Variants in RORA observed in about 807,000 individuals in gnomAD.
RORA encodes the protein RAR related orphan receptor A, also known as nuclear receptor ROR-alpha.
In RORA, 7 loss-of-function variants were observed where a neutral mutation model predicts 69.5. That is an observed-to-expected ratio of 0.10 (90% CI 0.06 to 0.19). The LOEUF is 0.19. Among genes scored for constraint, RORA ranks in the 10% least tolerant of loss-of-function variants. RORA has a pLI of 1.00. For missense variants in RORA, 457 were observed against 663.0 expected, an observed-to-expected ratio of 0.69 and a Z score of 3.41; for synonymous variants, 261 against 240.8, an observed-to-expected ratio of 1.08 and a Z score of -0.78.
chr15:60,694,493 T>A (rs2070873973), intron 1 of RORA, among the ~76,000 whole-genome samples: 1 of 152,168 alleles, frequency 6.6e-6, no homozygotes, highest in East Asian at 1.9e-4. Context: ...TTCGTACAGT[T>A]TGGATTTGAC....
At chr15:60,592,445 A>G in intron 2 of RORA, 1 of 1,414,900 alleles carries the variant, frequency 7.1e-7, no homozygotes, top group Non-Finnish European at 9.3e-7. Flanking sequence ...GAGCGCAGGG[A>G]GAGCGGATGG....
intron 1 of RORA, among the ~76,000 whole-genome samples, chr15:61,140,312 G>C (rs1037011138): frequency 1.4e-4 from 22 of 152,170 alleles, no homozygotes; most frequent in African/African-American, 4.8e-4. Flanking sequence ...TTTAAAGTAG[G>C]TTAAGGAATT....
At chr15:61,133,256 T>C (rs955148137) in intron 1 of RORA, among the ~76,000 whole-genome samples, 64 of 152,184 alleles carry the variant, frequency 4.2e-4, no homozygotes, top group African/African-American at 1.4e-3. Flanking sequence ...GCTAATGCCC[T>C]GTGGGGGTGT....
chr15:60,809,410 T>A (rs1337664708), intron 1 of RORA, among the ~76,000 whole-genome samples: 1 of 152,182 alleles, frequency 6.6e-6, no homozygotes, highest in Admixed American at 6.5e-5. Flanking sequence ...TCTACAAAGC[T>A]TTATAGAAAA....
intron 1 of RORA, among the ~76,000 whole-genome samples, chr15:60,980,735 AT>A (rs1366452988): frequency 6.6e-6 from 1 of 151,944 alleles, no homozygotes; most frequent in Non-Finnish European, 1.5e-5. Context: ...CCCTTCTCTC[AT>A]TTTTTAATAA....
Position 60,917,506 on chromosome 15 carries a change from G to A in RORA, c.167-238820C>T, listed in dbSNP as rs139792476. Among the ~76,000 whole-genome samples the A allele has an allele frequency of 1.9e-3, 286 of 152,208 alleles. 3 individuals carry two copies. Among genetic ancestry groups the A allele is most frequent in the South Asian group, 0.011 (55 of 4,822 alleles). ...CTACGAGCCTAGCCTAGACACTCCCGGGAAACTGCTGGGTGCTGTCCCACT... is the reference window on the plus strand; with the variant it reads ...CTACGAGCCTAGCCTAGACACTCCCAGGAAACTGCTGGGTGCTGTCCCACT... On this transcript the variant is annotated intron_variant, in intron 1 of 10. Coordinates refer to ENST00000335670, the MANE Select transcript of RORA (RefSeq NM_134261.3).
intron 1 of RORA, among the ~76,000 whole-genome samples, chr15:61,033,283 T>G (rs554008830): frequency 6.6e-6 from 1 of 152,316 alleles, no homozygotes; most frequent in African/African-American, 2.4e-5. Flanking sequence ...TGAGTTTTCC[T>G]TTAGTCCAAA....
At chr15:60,761,318 C>T (rs2071885887) in intron 1 of RORA, among the ~76,000 whole-genome samples, 1 of 152,166 alleles carries the variant, frequency 6.6e-6, no homozygotes, top group South Asian at 2.1e-4. Flanking sequence ...GATTCGTATA[C>T]AATAAAATAC....
At chr15:60,975,828 GCCA>G (rs1206893502) in intron 1 of RORA, among the ~76,000 whole-genome samples, 1 of 152,234 alleles carries the variant, frequency 6.6e-6, no homozygotes, top group Non-Finnish European at 1.5e-5. Flanking sequence ...TTACTTCACA[GCCA>G]CCAACACTAA....
intron 1 of RORA, among the ~76,000 whole-genome samples, chr15:60,802,552 C>T (rs1484410707): frequency 6.6e-6 from 1 of 152,098 alleles, no homozygotes; most frequent in African/African-American, 2.4e-5. Context: ...AAGAACCTTG[C>T]CTTTTAAGGC....
rs1463988909 is a variant in RORA at position 60,492,000 on chromosome 15, C to T, written c.*5455G>A. 1 of 104,014 alleles carries T rather than the reference C, an allele frequency of 9.6e-6. No individual in the cohort carries two copies. Among genetic ancestry groups the T allele is most frequent in the Non-Finnish European group, 2.0e-5 (1 of 50,190 alleles). The allele number at this position is 104,014 out of a possible 1,614,324, so 6.4% of individuals were successfully genotyped here. ...TATATCATAACTTTATAAGAAGTGG[C>T]AATCACATGTTATGTAAAAATGTCA... On this transcript the variant is annotated 3_prime_UTR_variant, in exon 11 of 11. Coordinates refer to ENST00000335670, the MANE Select transcript of RORA (RefSeq NM_134261.3).
At chr15:60,594,954 G>A (rs1412236896) in intron 2 of RORA, among the ~76,000 whole-genome samples, 5 of 151,962 alleles carry the variant, frequency 3.3e-5, no homozygotes, top group Non-Finnish European at 5.9e-5. Flanking sequence ...TCTATTAAAT[G>A]TCTTCAGCTT....
At chr15:60,660,968 TTG>T (rs1409490745) in intron 2 of RORA, among the ~76,000 whole-genome samples, 1 of 151,858 alleles carries the variant, frequency 6.6e-6, no homozygotes, top group Non-Finnish European at 1.5e-5. Context: ...ATTTTCAGAC[TTG>T]TGTTTTCCTG....
intron 1 of RORA, among the ~76,000 whole-genome samples, chr15:60,883,563 C>T (rs1389847566): frequency 6.6e-6 from 1 of 151,952 alleles, no homozygotes; most frequent in Non-Finnish European, 1.5e-5. Flanking sequence ...TCCCTGGTAT[C>T]CAAAGAAGTT....
chr15:60,784,873 T>C (rs573956264), intron 1 of RORA, among the ~76,000 whole-genome samples: 26 of 152,324 alleles, frequency 1.7e-4, no homozygotes, highest in South Asian at 8.3e-4. Context: ...AAAGTGCCTA[T>C]ACATACATGT....
chr15:60,506,672 G>C (rs937441364), intron 5 of RORA, among the ~76,000 whole-genome samples: 16 of 151,476 alleles, frequency 1.1e-4, no homozygotes, highest in African/African-American at 3.2e-4. Context: ...GGCCAACATG[G>C]TGAAACCCTG....
At chr15:60,938,452 T>G (rs755845580) in intron 1 of RORA, among the ~76,000 whole-genome samples, 39 of 152,240 alleles carry the variant, frequency 2.6e-4, no homozygotes, top group Non-Finnish European at 4.1e-4. Flanking sequence ...CCAGTTTAGT[T>G]GCCACTGTAG....
intron 2 of RORA, among the ~76,000 whole-genome samples, chr15:60,581,239 C>G (rs954841757): frequency 2.0e-5 from 3 of 152,168 alleles, no homozygotes; most frequent in African/African-American, 4.8e-5. Flanking sequence ...GGATTCTGAA[C>G]GTAACAGCAG....
intron 1 of RORA, among the ~76,000 whole-genome samples, chr15:61,218,228 A>C (rs1412152525): frequency 1.3e-5 from 2 of 150,218 alleles, no homozygotes; most frequent in Non-Finnish European, 3.0e-5. Flanking sequence ...CAATGTAATT[A>C]ATATGTTTTT....
Sources: allele counts gnomAD v4.1 joint callset (sites outside exome capture counted in the v4.1 genomes callset), GRCh38; gene constraint gnomAD v4.1.1; transcripts MANE v1.5; gene names NCBI Gene and HGNC (gene_info 2026-07-23, HGNC 2026-07-21).